EHD3: variants seen among roughly 807,000 people sequenced by gnomAD.
EHD3 encodes EH domain containing 3, also known as EH domain-containing protein 3.
In EHD3, 17 loss-of-function variants were observed where a neutral mutation model predicts 43.0. That is an observed-to-expected ratio of 0.40 (90% CI 0.27 to 0.59). EHD3 has a LOEUF of 0.59. Ranked by LOEUF, EHD3 falls within the 20% of genes least tolerant of loss-of-function variation. The pLI is 0.49. For synonymous variants in EHD3, 313 were observed against 289.5 expected, an observed-to-expected ratio of 1.08 and a Z score of -0.82; for missense variants, 594 against 705.6, an observed-to-expected ratio of 0.84 and a Z score of 1.79.
rs567719928 is a variant in EHD3, at chr2:31,261,778, T to C, written c.1080+65T>C. The C allele has an allele frequency of 1.4e-5, 22 of 1,573,770 alleles. No homozygotes were observed. In the East Asian group the frequency reaches 5.0e-4, roughly 35 times the overall value. ...CCGAGAGCTGGCTGAGCAGCCTGAG[T>C]ATGGAGGAGGCCACTCTTGGAGCCC... is the stretch of plus-strand genomic sequence containing the variant. On this transcript the variant is annotated intron_variant, in intron 5 of 5. Transcript: ENST00000322054.
Position 31,266,157 on chromosome 2 carries a change from C to G in EHD3, c.1081-20C>G. ...CCTTTCATCGTATCCTATCTTCATCCTCTCTCCTCCTCTTCCCAGGACCAG... is the reference window on the plus strand; with the variant it reads ...CCTTTCATCGTATCCTATCTTCATCGTCTCTCCTCCTCTTCCCAGGACCAG... On this transcript the variant is annotated intron_variant, in intron 5 of 5. Transcript: ENST00000322054. This position sits in a 1 kb window ranked among gnomAD's most constrained non-coding sequence, Gnocchi z 5.1. The G allele has an allele frequency of 6.3e-7, 1 of 1,593,168 alleles. No individual in the cohort carries two copies. Among genetic ancestry groups the G allele is most frequent in the Non-Finnish European group, 8.6e-7 (1 of 1,167,170 alleles).
intron 2 of EHD3, among the ~76,000 whole-genome samples, chr2:31,245,666 A>T (rs1456498736): frequency 4.8e-5 from 7 of 145,990 alleles, no homozygotes; most frequent in Non-Finnish European, 1.0e-4. Flanking sequence ...GGTTCAAGCA[A>T]TTCTCCTGCC....
intron 1 of EHD3, 29 bp from the exon 2 acceptor site, chr2:31,244,245 T>C (rs769505221): frequency 3.1e-6 from 5 of 1,592,218 alleles, no homozygotes; most frequent in Non-Finnish European, 4.3e-6. Flanking sequence ...GCAGAACGCC[T>C]GCATTAGGAC....
intron 2 of EHD3, among the ~76,000 whole-genome samples, chr2:31,249,081 G>T (rs1683584281): frequency 6.6e-6 from 1 of 152,208 alleles, no homozygotes; most frequent in African/African-American, 2.4e-5. Context: ...CACACATGAA[G>T]ACCCAATGTC....
At position 31,260,015 on chromosome 2, in the gene EHD3, AAC is replaced by A. The variant is rs1683820606; in HGVS notation, c.503-493_503-492del. On this transcript the variant is annotated intron_variant, in intron 3 of 5. Transcript: ENST00000322054. The surrounding 1 kb of genome is among the most constrained non-coding windows in gnomAD (Gnocchi z 4.6). ...CAGGAGTTCAAGACTCAGCCTGGCT[AAC>A]ATGGTTAAACCTGTCTCTACTAAAA... Among the ~76,000 whole-genome samples the A allele has an allele frequency of 6.6e-6, 1 of 152,182 alleles. No individual in the cohort carries two copies. The highest frequency in any genetic ancestry group is 2.1e-4 in the South Asian group (1 of 4,808).
rs201912881 is a variant in EHD3, at chr2:31,234,780, C to A, written c.159C>A (p.Ala53=). 6.2e-6 allele frequency: 10 copies of A among 1,614,152 alleles called. No individual in the cohort carries two copies. The East Asian group carries it at 2.0e-4, about 32-fold the overall frequency. The part of the protein sequence containing the change: ...HEFHSPALED[A]DFDNKPMVLL... ...TCCACTCGCCCGCCCTGGAGGATGCCGACTTCGACAACAAGCCCATGGTTC... is the reference window on the plus strand; with the variant it reads ...TCCACTCGCCCGCCCTGGAGGATGCAGACTTCGACAACAAGCCCATGGTTC... The change falls in exon 1 of 6, where the codon GCC becomes GCA. Residue 53 remains alanine, a synonymous_variant. Coordinates refer to ENST00000322054, the MANE Select transcript of EHD3 (RefSeq NM_014600.3).
intron 3 of EHD3, among the ~76,000 whole-genome samples, chr2:31,249,895 G>A (rs1683601242): frequency 6.6e-6 from 1 of 152,134 alleles, no homozygotes; most frequent in African/African-American, 2.4e-5. Flanking sequence ...ATAAGAGGAG[G>A]GAACCAGGTA....
At chr2:31,264,990 G>GCAAA (rs1166090542) in intron 5 of EHD3, among the ~76,000 whole-genome samples, 8 of 152,100 alleles carry the variant, frequency 5.3e-5, no homozygotes, top group African/African-American at 1.9e-4. Flanking sequence ...AAACTAAGAT[G>GCAAA]CAAACACCCA....
intron 1 of EHD3, among the ~76,000 whole-genome samples, chr2:31,240,040 T>G (rs752504679): frequency 5.3e-5 from 8 of 152,198 alleles, no homozygotes; most frequent in Non-Finnish European, 1.0e-4. Context: ...CTGGAATCCC[T>G]TCATCACATG....
chr2:31,243,420 TTTTCTTTCTTTC>T lies in EHD3; in HGVS notation c.228-822_228-811del, dbSNP rs751332290. ...AGGGTAGGATAGGATGGAGATTCAT[TTTTCTTTCTTTC>T]TTTCTTTCTTTCTTTCTTTCTTTCT... On this transcript the variant is annotated intron_variant, in intron 1 of 5. Coordinates refer to ENST00000322054, the MANE Select transcript of EHD3 (RefSeq NM_014600.3). Among the ~76,000 whole-genome samples the T allele has an allele frequency of 1.9e-4, 26 of 135,510 alleles. 1 individual carries two copies. The highest frequency in any genetic ancestry group is 4.9e-4 in the African/African-American group (16 of 32,336). The allele number at this position is 135,510 out of a possible 152,430, so 88.9% of individuals were successfully genotyped here. A position where few individuals can be genotyped will look rare whatever the true frequency, so the allele number is the denominator to read the frequency against.
intron 5 of EHD3, among the ~76,000 whole-genome samples, chr2:31,265,430 C>T (rs143238474): frequency 4.1e-4 from 63 of 152,272 alleles, no homozygotes; most frequent in African/African-American, 1.4e-3. Context: ...ACAGGAATTT[C>T]CCAGCTCCCT....
At chr2:31,241,007 G>A (rs757176655) in intron 1 of EHD3, among the ~76,000 whole-genome samples, 18 of 152,212 alleles carry the variant, frequency 1.2e-4, no homozygotes, top group Non-Finnish European at 2.5e-4. Context: ...TTGGCCGACT[G>A]TTTGTAAATC....
chr2:31,241,852 G>A (rs1395006863), intron 1 of EHD3, among the ~76,000 whole-genome samples: 1 of 152,222 alleles, frequency 6.6e-6, no homozygotes, highest in African/African-American at 2.4e-5. Flanking sequence ...AGCCAAGGGT[G>A]CAGCTGTTAG....
Position 31,234,493 on chromosome 2 carries a change from C to T in EHD3, c.-129C>T, listed in dbSNP as rs1350405826. 3.8e-6 allele frequency: 4 copies of T among 1,056,054 alleles called. No individual in the cohort carries two copies. The highest frequency in any genetic ancestry group is 2.7e-6 in the Non-Finnish European group (2 of 734,476). 65.4% of individuals were successfully genotyped at this position (1,056,054 alleles called of 1,614,324 possible). The stretch of plus-strand genomic sequence containing the variant: ...CTAGCCGCGTGCCCGGGCCATGGTG[C>T]GGCTGAGCCCCGCGCTTGGGTGAGG... On this transcript the variant is annotated 5_prime_UTR_variant, in exon 1 of 6. Transcript: ENST00000322054.
intron 3 of EHD3, 33 bp downstream of exon 3, chr2:31,249,501 G>C: frequency 6.2e-7 from 1 of 1,601,572 alleles, no homozygotes. Flanking sequence ...GTTGGCTGTG[G>C]GCTCCATGGT....
At chr2:31,256,542 C>G (rs537844231) in intron 3 of EHD3, among the ~76,000 whole-genome samples, 93 of 152,290 alleles carry the variant, frequency 6.1e-4, no homozygotes, top group African/African-American at 2.1e-3. Flanking sequence ...CCTGCCCTGT[C>G]CAGCTCCCAG....
chr2:31,242,304 A>AT (rs1683437843), intron 1 of EHD3, among the ~76,000 whole-genome samples: 1 of 152,242 alleles, frequency 6.6e-6, no homozygotes, highest in Non-Finnish European at 1.5e-5. Context: ...GTTACAAAGC[A>AT]TGCACACGTT....
rs1482354544 is a variant in EHD3 at position 31,235,174 on chromosome 2, G to C, written c.227+326G>C. ...AGGAGGCACAATGGAAGAGCTCCTGGTCTCTGGAGCGCCTTATGTTGGTGG... is the reference window on the plus strand; with the variant it reads ...AGGAGGCACAATGGAAGAGCTCCTGCTCTCTGGAGCGCCTTATGTTGGTGG... On this transcript the variant is annotated intron_variant, in intron 1 of 5. Transcript: ENST00000322054. 2.0e-5 allele frequency among the ~76,000 whole-genome samples: 3 copies of C among 152,108 alleles called. No individual in the cohort carries two copies. The East Asian group carries it at 5.8e-4, about 29-fold the overall frequency.
intron 1 of EHD3, 84 bp downstream of exon 1, chr2:31,234,932 A>C: frequency 1.5e-6 from 2 of 1,336,964 alleles, no homozygotes; most frequent in Non-Finnish European, 1.1e-6. Flanking sequence ...CATCCCAGAC[A>C]GGGGACCAAT....
Sources: gnomAD v4.1 joint callset for allele counts (sites outside exome capture counted in the v4.1 genomes callset) on GRCh38, gnomAD v4.1.1 for gene constraint, Gnocchi (gnomAD v3.1) non-coding constraint, MANE v1.5 for transcripts, NCBI Gene and HGNC (gene_info 2026-07-23, HGNC 2026-07-21) for gene names.